Variants in GRAMD2B observed in about 807,000 individuals in gnomAD.
GRAMD2B encodes the protein GRAM domain-containing protein 2B.
A neutral mutation model predicts 59.2 loss-of-function variants in GRAMD2B; 41 were observed. That is an observed-to-expected ratio of 0.69 (90% CI 0.54 to 0.90). The LOEUF is 0.90. Among genes scored for constraint, GRAMD2B ranks in the 40% least tolerant of loss-of-function variants. The probability of loss-of-function intolerance (pLI) is 0.00; values close to 1 mark genes in which losing one functional copy is unlikely to be tolerated. For synonymous variants in GRAMD2B, 161 were observed against 182.7 expected (o/e 0.88, Z 0.96); for missense variants, 424 against 500.5 (o/e 0.85, Z 1.46).
chr5:126,490,179 T>G (rs1312537563), intron 13 of GRAMD2B: 2 of 152,156 alleles, frequency 1.3e-5, no homozygotes, highest in Non-Finnish European at 2.9e-5. Flanking sequence ...GAATTGAAGA[T>G]AAACGATTTT....
At chr5:126,406,661 G>A (rs1284337027) in intron 1 of GRAMD2B, among the ~76,000 whole-genome samples, 2 of 151,956 alleles carry the variant, frequency 1.3e-5, no homozygotes, top group Non-Finnish European at 2.9e-5. Flanking sequence ...CTTACTTATT[G>A]GAGGTTTAGT....
At chr5:126,442,774 AT>A (rs537013258) in intron 1 of GRAMD2B, among the ~76,000 whole-genome samples, 45 of 152,112 alleles carry the variant, frequency 3.0e-4, no homozygotes, top group Middle Eastern at 3.4e-3. Flanking sequence ...TTCTTTAAAG[AT>A]TTTTTTTAAT....
chr5:126,419,249 A>T (rs1039188683), upstream of GRAMD2B, among the ~76,000 whole-genome samples: 19 of 152,152 alleles, frequency 1.2e-4, no homozygotes, highest in African/African-American at 4.6e-4. Flanking sequence ...GCCTCAGGAA[A>T]CTTACAATCA....
At chr5:126,372,426 TG>T (rs1321771376) in intron 1 of GRAMD2B, among the ~76,000 whole-genome samples, 1 of 152,206 alleles carries the variant, frequency 6.6e-6, no homozygotes, top group Admixed American at 6.5e-5. Flanking sequence ...CTTTTTTAAA[TG>T]GTTTTAAATC....
intron 1 of GRAMD2B, among the ~76,000 whole-genome samples, chr5:126,390,060 T>C (rs578155513): frequency 5.8e-4 from 89 of 152,364 alleles, no homozygotes; most frequent in African/African-American, 2.0e-3. Context: ...GGTTGAGTTG[T>C]TTATATAAAA....
At position 126,480,308 on chromosome 5, in the gene GRAMD2B, T is replaced by G. The variant is rs943155980; in HGVS notation, c.583-148T>G. 22 of 587,874 alleles carry G rather than the reference T, an allele frequency of 3.7e-5. No individual in the cohort carries two copies. In the Admixed American group the frequency reaches 6.4e-4, roughly 17 times the overall value. The allele number at this position is 587,874 out of a possible 1,614,324, so 36.4% of individuals were successfully genotyped here. A position where few individuals can be genotyped will look rare whatever the true frequency, so the allele number is the denominator to read the frequency against. On this transcript the variant is annotated intron_variant, in intron 6 of 13. Transcript: ENST00000285689. The stretch of plus-strand genomic sequence containing the variant: ...ACAGGAATGGAATAAAAATGGAATG[T>G]TTGAGTGAGAGGAATGAGAATATAG...
intron 6 of GRAMD2B, among the ~76,000 whole-genome samples, chr5:126,478,551 C>T (rs553254421): frequency 4.6e-5 from 7 of 152,126 alleles, no homozygotes; most frequent in South Asian, 2.1e-4. Context: ...GACTAACCTG[C>T]GCAACATGGT....
At chr5:126,426,076 T>C (rs1284794056) in intron 1 of GRAMD2B, among the ~76,000 whole-genome samples, 1 of 152,138 alleles carries the variant, frequency 6.6e-6, no homozygotes, top group East Asian at 1.9e-4. Flanking sequence ...CATGCCACAT[T>C]GTATACATAT....
intron 1 of GRAMD2B, among the ~76,000 whole-genome samples, chr5:126,415,794 T>C (rs1451819638): frequency 6.6e-6 from 1 of 152,006 alleles, no homozygotes; most frequent in African/African-American, 2.4e-5. Flanking sequence ...GATAACGAAA[T>C]GCTGTAATAA....
At chr5:126,435,332 T>A (rs1242121106) in intron 1 of GRAMD2B, among the ~76,000 whole-genome samples, 1 of 152,152 alleles carries the variant, frequency 6.6e-6, no homozygotes, top group African/African-American at 2.4e-5. Context: ...CAAGGAAGAA[T>A]GTGTCTTTAA....
chr5:126,441,793 G>A (rs914085027), intron 1 of GRAMD2B, among the ~76,000 whole-genome samples: 2 of 152,034 alleles, frequency 1.3e-5, no homozygotes, highest in African/African-American at 4.8e-5. Context: ...GCTCGTTAGA[G>A]GCTCTTGATA....
chr5:126,387,567 T>TTA (rs1453033838), intron 1 of GRAMD2B, among the ~76,000 whole-genome samples: 6 of 151,070 alleles, frequency 4.0e-5, no homozygotes, highest in Non-Finnish European at 8.9e-5. Context: ...GTATTTATAA[T>TTA]TATATATATG....
chr5:126,469,159 G>A (rs980997828), intron 2 of GRAMD2B, among the ~76,000 whole-genome samples: 2 of 152,102 alleles, frequency 1.3e-5, no homozygotes, highest in African/African-American at 4.8e-5. Flanking sequence ...TTCACCCTCT[G>A]TAAGTTACTA....
At chr5:126,460,059 G>C (rs4836264) in intron 1 of GRAMD2B, among the ~76,000 whole-genome samples, 1 of 152,156 alleles carries the variant, frequency 6.6e-6, no homozygotes, top group African/African-American at 2.4e-5. Flanking sequence ...TCATCCTTAC[G>C]ATGTAACTTT....
At chr5:126,409,597 C>T (rs537105491) in intron 1 of GRAMD2B, among the ~76,000 whole-genome samples, 19 of 152,174 alleles carry the variant, frequency 1.2e-4, no homozygotes, top group Non-Finnish European at 2.4e-4. Context: ...AGCCCTTTGT[C>T]AGATGAGTAG....
intron 1 of GRAMD2B, among the ~76,000 whole-genome samples, chr5:126,373,366 G>A (rs932621209): frequency 6.6e-6 from 1 of 152,186 alleles, no homozygotes; most frequent in Non-Finnish European, 1.5e-5. Flanking sequence ...GAGAATTTAT[G>A]TGGCTGTTTT....
At chr5:126,441,366 G>A (rs1316318285) in intron 1 of GRAMD2B, among the ~76,000 whole-genome samples, 2 of 152,228 alleles carry the variant, frequency 1.3e-5, no homozygotes, top group Non-Finnish European at 2.9e-5. Flanking sequence ...GCTATGGATT[G>A]CTCCAAACTA....
intron 1 of GRAMD2B, among the ~76,000 whole-genome samples, chr5:126,415,712 T>C (rs1759212106): frequency 6.6e-6 from 1 of 152,196 alleles, no homozygotes; most frequent in East Asian, 1.9e-4. Flanking sequence ...CTTTCCTTCC[T>C]TGTTTCAACT....
At chr5:126,387,660 G>A (rs1756288788) in intron 1 of GRAMD2B, among the ~76,000 whole-genome samples, 1 of 151,904 alleles carries the variant, frequency 6.6e-6, no homozygotes, top group Non-Finnish European at 1.5e-5. Flanking sequence ...TGTTTCCTGT[G>A]GCAAAGCACT....
Sources: allele counts gnomAD v4.1 joint callset (sites outside exome capture counted in the v4.1 genomes callset), GRCh38; gene constraint gnomAD v4.1.1; transcripts MANE v1.5; gene names NCBI Gene and HGNC (gene_info 2026-07-23, HGNC 2026-07-21).